The following HEPH variants were observed in gnomAD, a reference collection of about 807,000 sequenced individuals.
HEPH encodes hephaestin.
HEPH carries 69 observed loss-of-function variants against 80.8 expected under a neutral mutation model. The observed-to-expected ratio is 0.85, with a 90% CI of 0.70 to 1.04. The LOEUF is 1.04. Among genes scored for constraint, HEPH ranks in the 50% least tolerant of loss-of-function variants. HEPH has a pLI of 0.00. For missense variants in HEPH, 1,115 were observed against 891.3 expected (o/e 1.25, Z -3.20); for synonymous variants, 431 against 322.8 (o/e 1.34, Z -3.60).
Position 66,189,892 on chromosome X carries a change from A to G in HEPH, c.1017A>G (p.Glu339=), listed in dbSNP as rs1163567161. 2 of 1,192,229 alleles carry G rather than the reference A, an allele frequency of 1.7e-6. No individual in the cohort carries two copies. The highest frequency in any genetic ancestry group is 3.0e-5 in the East Asian group (1 of 32,878). Residue 339 remains glutamate (E), a synonymous_variant, in exon 6 of 21, where the codon GAA becomes GAG. Transcript: ENST00000343002. The part of the protein sequence containing the change: ...TFVTAEMVPW[E]PGTWLISCQV... ...TGACTGCTGAGATGGTGCCCTGGGA[A>G]CCTGGTACCTGGTTAATTAGCTGCC...
At chrX:66,257,903 A>G (rs1390752747) in intron 17 of HEPH, among the ~76,000 whole-genome samples, 1 of 112,070 alleles carries the variant, frequency 8.9e-6, no homozygotes, top group East Asian at 2.8e-4. Context: ...AGTGTGAATT[A>G]TTGTAACAAT....
intron 15 of HEPH, among the ~76,000 whole-genome samples, chrX:66,232,556 G>A (rs1317218217): frequency 1.8e-5 from 2 of 110,749 alleles, no homozygotes; most frequent in African/African-American, 6.6e-5. Context: ...TATTAGTATT[G>A]TCAGTTATAA....
At chrX:66,265,836 A>G in intron 20 of HEPH, among the ~76,000 whole-genome samples, 1 of 111,588 alleles carries the variant, frequency 9.0e-6, no homozygotes, top group Non-Finnish European at 1.9e-5. Flanking sequence ...TGAGAGTTGG[A>G]ATGTCTGGTT....
At chrX:66,195,551 G>T (rs1043275705) in intron 9 of HEPH, among the ~76,000 whole-genome samples, 1 of 111,020 alleles carries the variant, frequency 9.0e-6, no homozygotes, top group Non-Finnish European at 1.9e-5. Flanking sequence ...ATATTTTTAT[G>T]TGCTTATACA....
chrX:66,245,575 A>G (rs746670198), intron 15 of HEPH, among the ~76,000 whole-genome samples: 3 of 111,299 alleles, frequency 2.7e-5, no homozygotes, highest in South Asian at 7.8e-4. Context: ...GATCAACGAG[A>G]CAGAAAGTTA....
chrX:66,244,793 C>T (rs969165946), intron 15 of HEPH, among the ~76,000 whole-genome samples: 6 of 110,850 alleles, frequency 5.4e-5, no homozygotes, highest in African/African-American at 2.0e-4. Context: ...GATGTTCCTT[C>T]AGTCTTTGAA....
At chrX:66,188,589 G>A (rs1229621696) in intron 5 of HEPH, 48 bp downstream of exon 5, 1 of 1,076,336 alleles carries the variant, frequency 9.3e-7, no homozygotes, top group Non-Finnish European at 1.3e-6. Context: ...CATTGTTGGA[G>A]GGTATCCACT....
Position 66,200,591 on chromosome X carries a change from G to C in HEPH, c.1916G>C (p.Gly639Ala), listed in dbSNP as rs765068201. ...SNLPRLDMCK[G>A]DTVAWHLLGL... ...CTGCCCAGGCTGGACATGTGCAAGG[G>C]TGACACAGTGGCCTGGCACCTGCTC... is the stretch of plus-strand genomic sequence containing the variant. The change falls in exon 12 of 21, where the codon GGT (glycine) becomes GCT (alanine). Residue 639 changes from glycine (G) to alanine (A), a missense_variant. Transcript: ENST00000343002. The C allele has an allele frequency of 8.3e-7, 1 of 1,209,492 alleles. No individual in the cohort carries two copies. Among genetic ancestry groups the C allele is most frequent in the South Asian group, 1.8e-5 (1 of 56,401 alleles).
chrX:66,170,757 G>T lies in HEPH; in HGVS notation c.167+20G>T. The T allele has an allele frequency of 8.4e-7, 1 of 1,185,254 alleles. No homozygotes were observed. ...TGACATGTAGGTTTAATTTCTTGTG[G>T]TATTTGAGGGGAAGTTATGGGAGCA... On this transcript the variant is annotated intron_variant, in intron 2 of 20. Transcript: ENST00000343002.
At position 66,204,009 on chromosome X, in the gene HEPH, A is replaced by G. The variant is rs760844318; in HGVS notation, c.2291+432A>G. On this transcript the variant is annotated intron_variant, in intron 13 of 20. Coordinates refer to ENST00000343002, the MANE Select transcript of HEPH (RefSeq NM_001367233.3). ...ATAGAATTTTATTTCTTATTCACAT[A>G]ATAATACAAATATGAGCAATTCAGG... Among the ~76,000 whole-genome samples the G allele has an allele frequency of 2.3e-4, 26 of 112,385 alleles. No homozygotes were observed. The South Asian group carries it at 8.9e-3, about 38-fold the overall frequency.
chrX:66,172,331 A>G, intron 2 of HEPH, 24 bp from the exon 3 acceptor site: 1 of 1,167,585 alleles, frequency 8.6e-7, no homozygotes, highest in Non-Finnish European at 1.1e-6. Context: ...GGGCAAAATT[A>G]TGACTCTTTT....
chrX:66,264,392 T>C (rs779818064), intron 20 of HEPH, among the ~76,000 whole-genome samples: 2 of 109,270 alleles, frequency 1.8e-5, no homozygotes, highest in South Asian at 7.7e-4. Context: ...CAACACCATA[T>C]GTTCTTCAAC....
In HEPH at chrX:66,171,894, G is replaced by T. The variant is rs773781192; in HGVS notation, c.168-461G>T. Among the ~76,000 whole-genome samples the T allele has an allele frequency of 3.6e-5, 4 of 111,803 alleles. No individual in the cohort carries two copies. The South Asian group carries it at 1.5e-3, about 42-fold the overall frequency. On this transcript the variant is annotated intron_variant, in intron 2 of 20. Transcript: ENST00000343002. The stretch of plus-strand genomic sequence containing the variant: ...AGATGGGCAAATTGTGTTCAGAGAA[G>T]TTAAGTAACTTGTTCAACATCCCAC...
At chrX:66,227,721 A>T (rs1024603308) in intron 15 of HEPH, among the ~76,000 whole-genome samples, 1 of 111,314 alleles carries the variant, frequency 9.0e-6, no homozygotes, top group Admixed American at 9.5e-5. Context: ...ATTTGGCTTT[A>T]TTTCTGGTTC....
At chrX:66,235,795 C>T (rs1002982478) in intron 15 of HEPH, among the ~76,000 whole-genome samples, 6 of 111,540 alleles carry the variant, frequency 5.4e-5, no homozygotes, top group Admixed American at 1.9e-4. Context: ...GACTGTATGG[C>T]CATTTTAGTG....
intron 4 of HEPH, among the ~76,000 whole-genome samples, chrX:66,178,358 G>T (rs1224429380): frequency 1.8e-5 from 2 of 112,516 alleles, no homozygotes; most frequent in African/African-American, 6.5e-5. Flanking sequence ...TGGACATTTA[G>T]GTTGGTTCCA....
In HEPH at chrX:66,193,586, G is replaced by A. The variant is rs151143123; in HGVS notation, c.1317G>A (p.Glu439=). Residue 439 remains glutamate, a synonymous_variant, in exon 8 of 21, where the codon GAG becomes GAA. Coordinates refer to ENST00000343002, the MANE Select transcript of HEPH (RefSeq NM_001367233.3). ...WKVRYEAFQD[E]TFQEKMHLEE... ...TGCGATATGAAGCCTTTCAAGATGAGACATTCCAAGAGAAGATGCATTTGG... is the reference window on the plus strand; with the variant it reads ...TGCGATATGAAGCCTTTCAAGATGAAACATTCCAAGAGAAGATGCATTTGG... The A allele has an allele frequency of 1.3e-5, 15 of 1,193,921 alleles. No homozygotes were observed. The highest frequency in any genetic ancestry group is 1.8e-5 in the African/African-American group (1 of 56,883).
intron 15 of HEPH, among the ~76,000 whole-genome samples, chrX:66,221,640 G>T (rs1164969355): frequency 8.9e-6 from 1 of 112,691 alleles, no homozygotes; most frequent in African/African-American, 3.2e-5. Context: ...AAGTCCAACT[G>T]CCATTTTTTT....
Position 66,170,548 on chromosome X carries a change from T to C in HEPH, c.-13-10T>C, listed in dbSNP as rs2086548454. ...TCTACACCAGCAGTTTTTATTTGCC[T>C]GTTTCCCAGAGTAATGTGGGCCATG... On this transcript the variant is annotated splice_polypyrimidine_tract_variant and intron_variant, in intron 1 of 20. Coordinates refer to ENST00000343002, the MANE Select transcript of HEPH (RefSeq NM_001367233.3). 4 of 1,199,496 alleles carry C rather than the reference T, an allele frequency of 3.3e-6. No homozygotes were observed. Among genetic ancestry groups the C allele is most frequent in the Non-Finnish European group, 4.5e-6 (4 of 888,327 alleles).
Sources: gnomAD v4.1 joint callset for allele counts (sites outside exome capture counted in the v4.1 genomes callset) on GRCh38, gnomAD v4.1.1 for gene constraint, MANE v1.5 for transcripts, NCBI Gene and HGNC (gene_info 2026-07-23, HGNC 2026-07-21) for gene names.